The following TSHR variants were observed in gnomAD, a reference collection of about 807,000 sequenced individuals.
The protein encoded by TSHR is thyroid stimulating hormone receptor.
TSHR carries 51 observed loss-of-function variants against 64.1 expected under a neutral mutation model. The ratio of observed to expected loss-of-function variants is 0.80; its 90% CI spans 0.64 to 1.01. TSHR has a LOEUF of 1.01. TSHR is among the 50% of genes least tolerant of loss of function. The pLI is 0.00. For missense variants in TSHR, 877 were observed against 942.8 expected (o/e 0.93, Z 0.91); for synonymous variants, 361 against 361.9 (o/e 1.00, Z 0.03).
In TSHR at chr14:81,144,356, T is replaced by A. The variant is rs756374896; in HGVS notation, c.*3T>A. Reference sequence around the variant, plus strand: ...AGTATATGCAAACGGTTTTGTAAGTTAACACTACACTACTCACAATGGTAG... The same window carrying A: ...AGTATATGCAAACGGTTTTGTAAGTAAACACTACACTACTCACAATGGTAG... On this transcript the variant is annotated 3_prime_UTR_variant, in exon 10 of 10. Coordinates refer to ENST00000298171, the MANE Select transcript of TSHR (RefSeq NM_000369.5). 1.1e-5 allele frequency: 18 copies of A among 1,613,952 alleles called. No homozygotes were observed. Among genetic ancestry groups the A allele is most frequent in the Non-Finnish European group, 4.2e-6 (5 of 1,179,894 alleles).
At chr14:81,032,070 T>C (rs931180364) in intron 1 of TSHR, among the ~76,000 whole-genome samples, 3 of 152,208 alleles carry the variant, frequency 2.0e-5, no homozygotes, top group Non-Finnish European at 4.4e-5. Flanking sequence ...GAAACTCAGA[T>C]ACAAGAGAAC....
intron 8 of TSHR, among the ~76,000 whole-genome samples, chr14:81,111,233 C>T (rs1890211617): frequency 6.6e-6 from 1 of 152,158 alleles, no homozygotes; most frequent in Non-Finnish European, 1.5e-5. Flanking sequence ...TGGAGAAAAT[C>T]TTGTCATGAA....
chr14:80,969,179 C>A (rs905426938), intron 1 of TSHR, among the ~76,000 whole-genome samples: 12 of 152,166 alleles, frequency 7.9e-5, no homozygotes, highest in Admixed American at 5.2e-4. Context: ...CCCAAGATGG[C>A]ACCTTAGCTG....
intron 1 of TSHR, chr14:80,991,786 G>A: frequency 2.6e-6 from 1 of 387,096 alleles, no homozygotes. Context: ...CAGTGGCAAA[G>A]TTGCCTTAAA....
chr14:81,108,990 A>G (rs1278235796), intron 8 of TSHR: 15 of 1,273,644 alleles, frequency 1.2e-5, no homozygotes, highest in African/African-American at 3.0e-5. Context: ...CCCCACATCC[A>G]ATCAGTGATC....
At chr14:81,087,413 T>C (rs1888364718) in intron 3 of TSHR, 1 of 177,574 alleles carries the variant, frequency 5.6e-6, no homozygotes, top group African/African-American at 2.4e-5. Flanking sequence ...CATGCAGAAG[T>C]GTCTTCGATT....
rs1889199532 is a variant in TSHR at position 81,096,493 on chromosome 14, A to G, written c.546-146A>G. On this transcript the variant is annotated intron_variant, in intron 6 of 9. Coordinates refer to ENST00000298171, the MANE Select transcript of TSHR (RefSeq NM_000369.5). ...TCTTGTTTCCAACAACTTGTACTGG[A>G]AAGTTTTCTTGTGGGATACATATGT... 3 of 737,876 alleles carry G rather than the reference A, an allele frequency of 4.1e-6. No homozygotes were observed. The East Asian group carries it at 8.6e-5, about 21-fold the overall frequency. 45.7% of individuals were successfully genotyped at this position (737,876 alleles called of 1,614,324 possible).
At chr14:81,092,750 A>C (rs1285912292) in intron 6 of TSHR, 142 bp downstream of exon 6, 9 of 798,170 alleles carry the variant, frequency 1.1e-5, no homozygotes, top group African/African-American at 5.2e-5. Flanking sequence ...ATTAAATAAT[A>C]GTATTGTCTT....
At chr14:81,141,735 CCTGTAT>C (rs1360029179) in intron 9 of TSHR, among the ~76,000 whole-genome samples, 4 of 152,030 alleles carry the variant, frequency 2.6e-5, no homozygotes, top group Non-Finnish European at 5.9e-5. Context: ...ATGGTGAAAC[CCTGTAT>C]CTACTAAAAA....
chr14:81,107,915 G>A (rs1182069038), intron 7 of TSHR, among the ~76,000 whole-genome samples: 1 of 152,084 alleles, frequency 6.6e-6, no homozygotes, highest in African/African-American at 2.4e-5. Context: ...GAAAACATCT[G>A]AATCTCTGAC....
intron 1 of TSHR, chr14:80,993,361 C>T (rs1211001102): frequency 3.5e-5 from 1 of 28,974 alleles, no homozygotes; most frequent in Non-Finnish European, 7.8e-5. Flanking sequence ...AATCCATAGT[C>T]ACTAAATATT....
chr14:80,978,131 ATG>A (rs1212625989), intron 1 of TSHR, among the ~76,000 whole-genome samples: 10 of 133,564 alleles, frequency 7.5e-5, no homozygotes, highest in African/African-American at 2.4e-4. Flanking sequence ...ACACACACAC[ATG>A]CATGTGCACT....
At chr14:81,131,856 A>T (rs1472842607) in intron 8 of TSHR, among the ~76,000 whole-genome samples, 2 of 151,898 alleles carry the variant, frequency 1.3e-5, no homozygotes, top group Non-Finnish European at 2.9e-5. Context: ...CTTTTTTAAG[A>T]AAAAATTACC....
chr14:81,019,662 A>G (rs1338819637), intron 1 of TSHR, among the ~76,000 whole-genome samples: 1 of 134,098 alleles, frequency 7.5e-6, no homozygotes. Flanking sequence ...CCCTGTGTCC[A>G]TGTGTTCTTA....
At chr14:81,109,326 A>G (rs556042993) in intron 8 of TSHR, among the ~76,000 whole-genome samples, 13 of 151,960 alleles carry the variant, frequency 8.6e-5, no homozygotes, top group African/African-American at 2.7e-4. Flanking sequence ...GGAGAATGGC[A>G]TGAACCCAGG....
At chr14:81,011,551 T>C (rs1345626052) in intron 1 of TSHR, among the ~76,000 whole-genome samples, 1 of 152,110 alleles carries the variant, frequency 6.6e-6, no homozygotes, top group Non-Finnish European at 1.5e-5. Flanking sequence ...GTATCGTGCT[T>C]TCTCTTTTCT....
rs187894243 is a variant in TSHR, at chr14:81,140,857, C to T, written c.881+990C>T. 5.1e-4 allele frequency among the ~76,000 whole-genome samples: 77 copies of T among 152,304 alleles called. 1 individual carries two copies. The highest frequency in any genetic ancestry group is 1.5e-3 in the African/African-American group (63 of 41,556). On this transcript the variant is annotated intron_variant, in intron 9 of 9. Coordinates refer to ENST00000298171, the MANE Select transcript of TSHR (RefSeq NM_000369.5). ...TATGGTGGCCGGGCACAGTGGCTCA[C>T]GCCTGTAATCCCAGCACTTTGGGAG...
intron 8 of TSHR, among the ~76,000 whole-genome samples, chr14:81,135,017 A>G (rs1891397664): frequency 6.6e-6 from 1 of 152,258 alleles, no homozygotes; most frequent in Non-Finnish European, 1.5e-5. Flanking sequence ...TACCAAAAGC[A>G]TCAATGGGTG....
chr14:81,013,208 T>C (rs1345521809), intron 1 of TSHR: 11 of 152,172 alleles, frequency 7.2e-5, no homozygotes, highest in African/African-American at 2.2e-4. Flanking sequence ...AATCCTTTCC[T>C]CATTGCTTGT....
Sources: gnomAD v4.1 joint callset for allele counts (sites outside exome capture counted in the v4.1 genomes callset) on GRCh38, gnomAD v4.1.1 for gene constraint, MANE v1.5 for transcripts, NCBI Gene and HGNC (gene_info 2026-07-23, HGNC 2026-07-21) for gene names.